Variants in FCRL2 observed in about 807,000 individuals in gnomAD.
FCRL2 encodes Fc receptor-like protein 2.
A neutral mutation model predicts 59.8 loss-of-function variants in FCRL2; 48 were observed. The observed-to-expected ratio is 0.80, with a 90% confidence interval of 0.64 to 1.02. FCRL2 has a LOEUF of 1.02. Among genes scored for constraint, FCRL2 ranks in the 50% least tolerant of loss-of-function variants. The pLI, the probability that FCRL2 is intolerant of heterozygous loss-of-function variation, is 0.00. For missense variants in FCRL2, 658 were observed against 597.3 expected (o/e 1.10, Z -1.06); for synonymous variants, 251 against 229.5 (o/e 1.09, Z -0.85).
rs564913617 is a variant in FCRL2 at position 157,746,167 on chromosome 1, A to C, written c.*569T>G. On this transcript the variant is annotated 3_prime_UTR_variant, in exon 12 of 12. Transcript: ENST00000361516. ...CTGAATTCTACAAGATGCAGAAAGA[A>C]TAACTGGTACCAATCCTGCTGAAAC... The C allele has an allele frequency of 6.5e-6, 1 of 153,168 alleles. No individual in the cohort carries two copies. The highest frequency in any genetic ancestry group is 1.9e-4 in the East Asian group (1 of 5,196). The allele number at this position is 153,168 out of a possible 1,614,324, so 9.5% of individuals were successfully genotyped here.
intron 7 of FCRL2, among the ~76,000 whole-genome samples, chr1:157,766,380 A>T (rs1213207819): frequency 6.6e-6 from 1 of 152,070 alleles, no homozygotes; most frequent in South Asian, 2.1e-4. Flanking sequence ...TTGAGGCAGG[A>T]GAATGGTGTG....
At chr1:157,761,612 C>T (rs187171298) in intron 7 of FCRL2, among the ~76,000 whole-genome samples, 3 of 151,992 alleles carry the variant, frequency 2.0e-5, no homozygotes, top group Non-Finnish European at 1.5e-5. Flanking sequence ...TTGTCTCCCC[C>T]AAAAGGCACA....
intron 4 of FCRL2, 183 bp from the exon 5 acceptor site, chr1:157,768,884 T>G: frequency 1.6e-6 from 1 of 641,044 alleles, no homozygotes; most frequent in Non-Finnish European, 2.6e-6. Context: ...GATAAAGACA[T>G]TTGAATGTCC....
intron 6 of FCRL2, 100 bp from the exon 7 acceptor site, chr1:157,767,071 T>C: frequency 7.5e-7 from 1 of 1,335,462 alleles, no homozygotes. Flanking sequence ...AAGTAAGAGA[T>C]CATTGAAGTG....
intron 5 of FCRL2, 187 bp downstream of exon 5, chr1:157,768,227 C>G (rs1649677099): frequency 8.6e-6 from 5 of 584,768 alleles, no homozygotes; most frequent in South Asian, 6.7e-5. Context: ...TTACAGCCCT[C>G]TTTATATTTC....
At position 157,748,869 on chromosome 1, in the gene FCRL2, A is replaced by G. The variant is rs750661386; in HGVS notation, c.1393+6T>C. 6.2e-7 allele frequency: 1 copy of G among 1,612,254 alleles called. No homozygotes were observed. The highest frequency in any genetic ancestry group is 1.1e-5 in the South Asian group (1 of 91,020). On this transcript the variant is annotated splice_donor_region_variant and intron_variant, in intron 9 of 11. Transcript: ENST00000361516. ...CCTCAGAGCCCTTCCCAGTGGAGAC[A>G]CTCACCATTGACATACACTGGCTGC...
At chr1:157,750,752 G>A (rs1032902186) in intron 7 of FCRL2, among the ~76,000 whole-genome samples, 3 of 152,194 alleles carry the variant, frequency 2.0e-5, no homozygotes, top group African/African-American at 7.2e-5. Context: ...GCATAAGTAA[G>A]GGGCAGTCAG....
Position 157,770,170 on chromosome 1 carries a change from T to C in FCRL2, c.311-20A>G, listed in dbSNP as rs201538375. On this transcript the variant is annotated intron_variant, in intron 3 of 11. Coordinates refer to ENST00000361516, the MANE Select transcript of FCRL2 (RefSeq NM_030764.4). ...AGAGCTCTAGAGAGAAGGATCACAATAGTCCCCAAAGCAGTGACAGCTAAG... is the reference window on the plus strand; with the variant it reads ...AGAGCTCTAGAGAGAAGGATCACAACAGTCCCCAAAGCAGTGACAGCTAAG... 2.5e-6 allele frequency: 4 copies of C among 1,607,646 alleles called. No homozygotes were observed. The highest frequency in any genetic ancestry group is 1.3e-5 in the African/African-American group (1 of 74,844).
At chr1:157,749,447 A>G in intron 8 of FCRL2, among the ~76,000 whole-genome samples, 1 of 152,330 alleles carries the variant, frequency 6.6e-6, no homozygotes, top group East Asian at 1.9e-4. Flanking sequence ...ATACAAGATA[A>G]CACCAAGGAT....
chr1:157,746,961 C>T (rs370536127), intron 10 of FCRL2, 62 bp from the exon 11 acceptor site: 7 of 1,544,312 alleles, frequency 4.5e-6, no homozygotes, highest in South Asian at 2.2e-5. Flanking sequence ...CACTCCCAGA[C>T]TTTATGCCCC....
chr1:157,748,828 T>C, intron 9 of FCRL2, 47 bp downstream of exon 9: 1 of 1,578,188 alleles, frequency 6.3e-7, no homozygotes. Flanking sequence ...TGTCTCCTCT[T>C]TCTTTTCTGA....
Position 157,770,569 on chromosome 1 carries a change from A to C in FCRL2, c.150T>G (p.Ala50=). ...GEQNWKIQKM[A]YHKDNKELSV... ...ATAACTCTTTGTTATCCTTATGGTA[A>C]GCCATCTTCTGAATTTTCCAGTTCT... The change falls in exon 3 of 12, where the codon GCT becomes GCG. Residue 50 remains alanine (A), a synonymous_variant. Transcript: ENST00000361516. 6.2e-7 allele frequency: 1 copy of C among 1,614,222 alleles called. No homozygotes were observed. The highest frequency in any genetic ancestry group is 8.5e-7 in the Non-Finnish European group (1 of 1,180,030).
In FCRL2 at chr1:157,767,246, G is replaced by A. The variant is rs760369933; in HGVS notation, c.1147C>T (p.Pro383Ser). The A allele has an allele frequency of 1.2e-6, 2 of 1,613,138 alleles. No individual in the cohort carries two copies. The highest frequency in any genetic ancestry group is 4.5e-5 in the East Asian group (2 of 44,892). ...ACCCACCCACCTGAGATGGAGACTG[G>A]CACTGCCTCACTGCACTGGGCCCCC... ...GLGAQCSEAV[P>S]VSISGPDGYR... Residue 383 changes from proline (P) to serine (S), a missense_variant, in exon 6 of 12, where the codon CCA becomes TCA. Coordinates refer to ENST00000361516, the MANE Select transcript of FCRL2 (RefSeq NM_030764.4).
chr1:157,759,131 A>G (rs1034943547), intron 7 of FCRL2, among the ~76,000 whole-genome samples: 8 of 152,006 alleles, frequency 5.3e-5, no homozygotes, highest in African/African-American at 1.9e-4. Context: ...TTCTCATAAG[A>G]TCTGATGGTT....
intron 7 of FCRL2, among the ~76,000 whole-genome samples, chr1:157,750,155 C>T (rs1445951157): frequency 6.6e-6 from 1 of 152,148 alleles, no homozygotes; most frequent in African/African-American, 2.4e-5. Context: ...TGTTGACATT[C>T]GTAAGGCGAA....
intron 7 of FCRL2, among the ~76,000 whole-genome samples, chr1:157,752,313 TA>T (rs933127750): frequency 3.3e-5 from 5 of 152,178 alleles, no homozygotes; most frequent in African/African-American, 9.7e-5. Context: ...CTGATGGTTT[TA>T]AAAAGAGGAG....
chr1:157,746,611 T>C lies in FCRL2; in HGVS notation c.*125A>G. 1.2e-6 allele frequency: 1 copy of C among 809,052 alleles called. No homozygotes were observed. Among genetic ancestry groups the C allele is most frequent in the Non-Finnish European group, 2.0e-6 (1 of 497,032 alleles). 50.1% of individuals were successfully genotyped at this position (809,052 alleles called of 1,614,324 possible). ...TCATCAGGACAAAAATGACAGGAGG[T>C]GCCTCCTGAGGCACGTTCTGGCTGT... is the stretch of plus-strand genomic sequence containing the variant. On this transcript the variant is annotated 3_prime_UTR_variant, in exon 12 of 12. Coordinates refer to ENST00000361516, the MANE Select transcript of FCRL2 (RefSeq NM_030764.4).
Position 157,749,653 on chromosome 1 carries a change from G to T in FCRL2, c.1304C>A (p.Pro435His). 6.2e-7 allele frequency: 1 copy of T among 1,607,792 alleles called. No individual in the cohort carries two copies. ...ISGESSATNE[P>H]RGASRPNPQE... The stretch of plus-strand genomic sequence containing the variant: ...TTTTACTAGGAAGAGTTCTCACCTG[G>T]GTTCATTAGTGGCAGAACTTTCTCC... Residue 435 changes from proline to histidine, a missense_variant, in exon 8 of 12, where the codon CCC becomes CAC. Transcript: ENST00000361516.
At position 157,768,403 on chromosome 1, in the gene FCRL2, G is replaced by T; in HGVS notation, c.883+11C>A. 6.2e-7 allele frequency: 1 copy of T among 1,609,460 alleles called. No homozygotes were observed. The highest frequency in any genetic ancestry group is 1.1e-5 in the South Asian group (1 of 90,568). ...GAATTTCTGGAAGATATGAATGAGA[G>T]TGTCACTCACTTCTCACAGGGATAT... is the stretch of plus-strand genomic sequence containing the variant. On this transcript the variant is annotated intron_variant, in intron 5 of 11. Transcript: ENST00000361516.
Sources: gnomAD v4.1 joint callset for allele counts (sites outside exome capture counted in the v4.1 genomes callset) on GRCh38, gnomAD v4.1.1 for gene constraint, MANE v1.5 for transcripts, NCBI Gene and HGNC (gene_info 2026-07-23, HGNC 2026-07-21) for gene names.